UGT1A7: variants seen among roughly 807,000 people sequenced by gnomAD.
The protein encoded by UGT1A7 is UDP glucuronosyltransferase family 1 member A7, also known as UDP-glucuronosyltransferase 1A7.
UGT1A7 carries 33 observed loss-of-function variants against 45.6 expected under a neutral mutation model. That is an observed-to-expected ratio of 0.72 (90% confidence interval 0.55 to 0.97). The LOEUF is 0.97. Ranked by LOEUF, UGT1A7 falls within the 50% of genes least tolerant of loss-of-function variation. The pLI is 0.00. For missense variants in UGT1A7, 684 were observed against 666.2 expected (o/e 1.03, Z -0.29); for synonymous variants, 274 against 250.6 (o/e 1.09, Z -0.88).
chr2:233,713,434 T>A lies in UGT1A7; in HGVS notation c.855+30642T>A. ...CACCTGCATGCTACTTCCTTTGATG[T>A]GGTTCTAACAGACCCCTTTCACCTC... On this transcript the variant is annotated intron_variant, in intron 1 of 4. Coordinates refer to ENST00000373426, the MANE Select transcript of UGT1A7 (RefSeq NM_019077.3). 4 of 1,614,196 alleles carry A rather than the reference T, an allele frequency of 2.5e-6. No homozygotes were observed. The highest frequency in any genetic ancestry group is 3.4e-6 in the Non-Finnish European group (4 of 1,180,026).
chr2:233,760,179 T>C (rs2125979771), intron 1 of UGT1A7: 1 of 1,547,106 alleles, frequency 6.5e-7, no homozygotes, highest in South Asian at 1.2e-5. Flanking sequence ...TGACAGCTTT[T>C]TATAGTCACG....
At chr2:233,686,659 C>T (rs977077863) in intron 1 of UGT1A7, among the ~76,000 whole-genome samples, 7 of 152,126 alleles carry the variant, frequency 4.6e-5, no homozygotes, top group Admixed American at 1.3e-4. Context: ...GATACACTAC[C>T]TCTTTGGCCC....
At chr2:233,693,309 G>T in intron 1 of UGT1A7, 3 of 1,614,154 alleles carry the variant, frequency 1.9e-6, no homozygotes, top group Non-Finnish European at 1.7e-6. Flanking sequence ...TTTGCTGAGC[G>T]ATCATTCCTA....
At chr2:233,757,197 C>T (rs941417782) in intron 1 of UGT1A7, among the ~76,000 whole-genome samples, 2 of 149,716 alleles carry the variant, frequency 1.3e-5, no homozygotes, top group Non-Finnish European at 3.0e-5. Flanking sequence ...TCTGAATTTT[C>T]TGTGCCCAGG....
At chr2:233,758,212 G>A (rs377480824) in intron 1 of UGT1A7, among the ~76,000 whole-genome samples, 4 of 152,326 alleles carry the variant, frequency 2.6e-5, no homozygotes, top group African/African-American at 9.6e-5. Context: ...GTTCTCTGTT[G>A]TAATTCATGA....
chr2:233,768,048 T>A, intron 3 of UGT1A7, 112 bp downstream of exon 3: 1 of 1,607,556 alleles, frequency 6.2e-7, no homozygotes, highest in Non-Finnish European at 8.5e-7. Flanking sequence ...GGCCAACATA[T>A]CCTACATTGC....
intron 1 of UGT1A7, among the ~76,000 whole-genome samples, chr2:233,750,222 G>A (rs1326774834): frequency 6.6e-6 from 1 of 151,918 alleles, no homozygotes; most frequent in Non-Finnish European, 1.5e-5. Flanking sequence ...AGATGGAGAT[G>A]AGGAACTTAT....
In UGT1A7 at chr2:233,681,961, C is replaced by G; in HGVS notation, c.24C>G (p.Gly8=). 6.2e-7 allele frequency: 1 copy of G among 1,613,960 alleles called. No individual in the cohort carries two copies. Among genetic ancestry groups the G allele is most frequent in the Non-Finnish European group, 8.5e-7 (1 of 1,179,886 alleles). The change falls in exon 1 of 5, where the codon GGC becomes GGG. Residue 8 remains glycine (G), a synonymous_variant. Coordinates refer to ENST00000373426, the MANE Select transcript of UGT1A7 (RefSeq NM_019077.3). ...TGATGGCTCGTGCAGGGTGGACTGG[C>G]CTCCTTCCCCTATATGTGTGTCTAC... MARAGWT[G]LLPLYVCLLL...
chr2:233,713,404 T>A, intron 1 of UGT1A7: 2 of 1,614,162 alleles, frequency 1.2e-6, no homozygotes, highest in Non-Finnish European at 1.7e-6. Context: ...GAGGCCCTGA[T>A]CAGGCACCTG....
rs577014868 is a variant in UGT1A7, at chr2:233,772,525, G to A, written c.1559G>A (p.Arg520Gln). 2.1e-5 allele frequency: 34 copies of A among 1,614,136 alleles called. 1 individual carries two copies. In the South Asian group the frequency reaches 2.9e-4, roughly 14 times the overall value. The stretch of plus-strand genomic sequence containing the variant: ...CGGAAATGCTTGGGGAAAAAAGGGC[G>A]AGTTAAGAAAGCCCACAAATCCAAG... ...GYRKCLGKKG[R>Q]VKKAHKSKTH The change falls in exon 5 of 5, where the codon CGA becomes CAA. Residue 520 changes from arginine (R) to glutamine (Q), a missense_variant. Transcript: ENST00000373426.
chr2:233,742,230 A>T (rs1158826164), intron 1 of UGT1A7, among the ~76,000 whole-genome samples: 2 of 151,434 alleles, frequency 1.3e-5, no homozygotes, highest in African/African-American at 2.4e-5. Flanking sequence ...GAGAGCCCCA[A>T]ACAGAGATTT....
chr2:233,737,993 C>T (rs1690655503), intron 1 of UGT1A7, among the ~76,000 whole-genome samples: 1 of 151,916 alleles, frequency 6.6e-6, no homozygotes, highest in African/African-American at 2.4e-5. Flanking sequence ...GCTCTGTGTC[C>T]CCCACCAAAT....
chr2:233,724,111 G>A (rs2077170036), intron 1 of UGT1A7, among the ~76,000 whole-genome samples: 1 of 116,358 alleles, frequency 8.6e-6, no homozygotes. Context: ...GGGCGGCCGG[G>A]CAGAGGCGCC....
chr2:233,729,217 GT>G, intron 1 of UGT1A7: 1 of 1,614,140 alleles, frequency 6.2e-7, no homozygotes, highest in Non-Finnish European at 8.5e-7. Context: ...GAGTGGAAAG[GT>G]GTTGGTGGTG....
rs748487831 is a variant in UGT1A7, at chr2:233,682,575, A to G, written c.638A>G (p.His213Arg). Residue 213 changes from histidine (H) to arginine (R), a missense_variant, in exon 1 of 5, where the codon CAC becomes CGC. By Grantham distance (29) the His-to-Arg change is conservative. Transcript: ENST00000373426. ...GAGAGAGTATGGAACCACATCATGC[A>G]CTTGGAGGAACATTTATTTTGCCCC... ...FKERVWNHIM[H>R]LEEHLFCPYF... The G allele has an allele frequency of 8.7e-6, 14 of 1,613,882 alleles. No individual in the cohort carries two copies. The highest frequency in any genetic ancestry group is 1.1e-5 in the Non-Finnish European group (13 of 1,179,832).
rs35350960 is a variant in UGT1A7, at chr2:233,760,973, C to T, written c.856-6061C>T. On this transcript the variant is annotated intron_variant, in intron 1 of 4. Coordinates refer to ENST00000373426, the MANE Select transcript of UGT1A7 (RefSeq NM_019077.3). The stretch of plus-strand genomic sequence containing the variant: ...TTTCTGTGCGACGTGGTTTATTCCC[C>T]GTATGCAACCCTTGCCTCAGAATTC... 4.6e-5 allele frequency: 74 copies of T among 1,614,056 alleles called. No homozygotes were observed. Among genetic ancestry groups the T allele is most frequent in the Non-Finnish European group, 5.4e-5 (64 of 1,180,038 alleles).
Position 233,760,303 on chromosome 2 carries a change from C to T in UGT1A7, c.856-6731C>T, listed in dbSNP as rs2125982207. ...CAAAGGCGCCATGGCTGTGGAGTCC[C>T]AGGGCGGACGCCCACTTGTCCTGGG... On this transcript the variant is annotated intron_variant, in intron 1 of 4. Coordinates refer to ENST00000373426, the MANE Select transcript of UGT1A7 (RefSeq NM_019077.3). 2 of 1,613,696 alleles carry T rather than the reference C, an allele frequency of 1.2e-6. No individual in the cohort carries two copies. Among genetic ancestry groups the T allele is most frequent in the South Asian group, 1.1e-5 (1 of 91,060 alleles).
In UGT1A7 at chr2:233,747,480, G is replaced by C. The variant is rs1693691129; in HGVS notation, c.856-19554G>C. On this transcript the variant is annotated intron_variant, in intron 1 of 4. Transcript: ENST00000373426. ...CATTTCATGGACCCAGGATGAATTT[G>C]ATCGCCTTGTGCTGGGCCACACTCA... is the stretch of plus-strand genomic sequence containing the variant. 6 of 1,608,868 alleles carry C rather than the reference G, an allele frequency of 3.7e-6. No homozygotes were observed. The South Asian group carries it at 5.5e-5, about 15-fold the overall frequency.
chr2:233,690,847 T>TA (rs2075018275), intron 1 of UGT1A7: 2 of 1,068,466 alleles, frequency 1.9e-6, no homozygotes, highest in Non-Finnish European at 2.3e-6. Context: ...AAATGTTTTC[T>TA]AATACCTTCT....
Sources: gnomAD v4.1 joint callset for allele counts (sites outside exome capture counted in the v4.1 genomes callset) on GRCh38, gnomAD v4.1.1 for gene constraint, MANE v1.5 for transcripts, NCBI Gene and HGNC (gene_info 2026-07-23, HGNC 2026-07-21) for gene names.